Variants in ZNF727 observed in about 807,000 individuals in gnomAD.
ZNF727 encodes the protein putative zinc finger protein 727.
In ZNF727, 11 loss-of-function variants were observed where a neutral mutation model predicts 11.5. The ratio of observed to expected loss-of-function variants is 0.95; its 90% CI spans 0.60 to 1.58. The LOEUF is 1.58. Ranked by LOEUF, ZNF727 falls within the 40% of genes most tolerant of loss-of-function variation. ZNF727 has a pLI of 0.00. For synonymous variants in ZNF727, 171 were observed against 196.1 expected (o/e 0.87, Z 1.07); for missense variants, 533 against 581.7 (o/e 0.92, Z 0.86).
chr7:64,063,012 AT>A (rs377443493), intron 1 of ZNF727, among the ~76,000 whole-genome samples: 3,561 of 151,192 alleles, frequency 0.024, 133 homozygotes, highest in African/African-American at 0.081. Flanking sequence ...CGAATTTCTT[AT>A]TTTTTTTGTT....
chr7:64,077,923 G>A lies in ZNF727; in HGVS notation c.874G>A (p.Ala292Thr), dbSNP rs1411803313. Reference protein sequence around the residue: ...KPYKCKECHKAFRCCSDLTKH... With the variant: ...KPYKCKECHKTFRCCSDLTKH... ...CTACAAATGTAAAGAATGTCACAAA[G>A]CCTTTAGGTGTTGCTCAGACCTTAC... is the stretch of plus-strand genomic sequence containing the variant. The change falls in exon 4 of 4, where the codon GCC becomes ACC. Residue 292 changes from alanine to threonine, a missense_variant. Coordinates refer to ENST00000456806, the MANE Select transcript of ZNF727 (RefSeq NM_001159522.3). 1 of 1,584,742 alleles carries A rather than the reference G, an allele frequency of 6.3e-7. No individual in the cohort carries two copies. Among genetic ancestry groups the A allele is most frequent in the East Asian group, 2.3e-5 (1 of 43,072 alleles).
At position 64,052,378 on chromosome 7, in the gene ZNF727, C is replaced by CT. The variant is rs56215284; in HGVS notation, c.3+6775dup. Among the ~76,000 whole-genome samples the CT allele has an allele frequency of 4.8e-3, 622 of 130,322 alleles. 4 individuals are homozygous for CT. Among genetic ancestry groups the CT allele is most frequent in the African/African-American group, 0.013 (452 of 34,862 alleles). The allele number at this position is 130,322 out of a possible 152,430, so 85.5% of individuals were successfully genotyped here. On this transcript the variant is annotated intron_variant, in intron 1 of 3. Coordinates refer to ENST00000456806, the MANE Select transcript of ZNF727 (RefSeq NM_001159522.3). Reference sequence around the variant, plus strand: ...GAGTTCCCCTGGACAATTTCTCTCTCTTTTTTTTTTTTTTTTTTTTTGCCT... The same window carrying CT: ...GAGTTCCCCTGGACAATTTCTCTCTCTTTTTTTTTTTTTTTTTTTTTTGCCT...
chr7:64,060,283 C>T (rs1278461405), intron 1 of ZNF727, among the ~76,000 whole-genome samples: 1 of 152,142 alleles, frequency 6.6e-6, no homozygotes, highest in African/African-American at 2.4e-5. Context: ...TAGAGTGTCT[C>T]TGAGGTTGGA....
chr7:64,061,870 GT>G (rs34706787), intron 1 of ZNF727, among the ~76,000 whole-genome samples: 96,675 of 151,222 alleles, frequency 0.64, 31,600 homozygotes, highest in Non-Finnish European at 0.71. Context: ...TCTATTATAA[GT>G]TTTTTTATTT....
Position 64,072,268 on chromosome 7 carries a change from T to G in ZNF727, c.226+2659T>G, listed in dbSNP as rs1789973475. Among the ~76,000 whole-genome samples the G allele has an allele frequency of 2.0e-5, 3 of 152,228 alleles. No individual in the cohort carries two copies. In the South Asian group the frequency reaches 6.2e-4, roughly 32 times the overall value. ...GGAGAGGGGTTATACGTGGGTCACA[T>G]GGCTGCTTCTTGGTCTGTTGTGGAG... On this transcript the variant is annotated intron_variant, in intron 3 of 3. Coordinates refer to ENST00000456806, the MANE Select transcript of ZNF727 (RefSeq NM_001159522.3).
chr7:64,083,616 C>T lies in ZNF727; in HGVS notation c.*5067C>T, dbSNP rs1273656837. ...ATAGCTCTGTGTGTTAAATTGAAGGCCTTGGTGAAGTGGGTTCCTGAGGGT... is the reference window on the plus strand; with the variant it reads ...ATAGCTCTGTGTGTTAAATTGAAGGTCTTGGTGAAGTGGGTTCCTGAGGGT... On this transcript the variant is annotated 3_prime_UTR_variant, in exon 4 of 4. Transcript: ENST00000456806. 6.6e-6 allele frequency among the ~76,000 whole-genome samples: 1 copy of T among 152,156 alleles called. No individual in the cohort carries two copies. The highest frequency in any genetic ancestry group is 6.5e-5 in the Admixed American group (1 of 15,284).
intron 1 of ZNF727, among the ~76,000 whole-genome samples, chr7:64,061,185 C>G (rs1465260167): frequency 1.3e-5 from 2 of 152,040 alleles, no homozygotes; most frequent in Admixed American, 1.3e-4. Flanking sequence ...TCTATTAGGT[C>G]TATTTGGTCC....
At position 64,084,873 on chromosome 7, in the gene ZNF727, T is replaced by G. The variant is rs1438801428; in HGVS notation, c.*6324T>G. On this transcript the variant is annotated 3_prime_UTR_variant, in exon 4 of 4. Transcript: ENST00000456806. Reference sequence around the variant, plus strand: ...TGAGAAGAAAAGAAAAATATTAGAGTGAAACAGATAATTTTACATGTGTTG... The same window carrying G: ...TGAGAAGAAAAGAAAAATATTAGAGGGAAACAGATAATTTTACATGTGTTG... Among the ~76,000 whole-genome samples, 1 of 152,156 alleles carries G rather than the reference T, an allele frequency of 6.6e-6. No homozygotes were observed. Among genetic ancestry groups the G allele is most frequent in the Non-Finnish European group, 1.5e-5 (1 of 67,998 alleles).
chr7:64,059,772 A>C (rs1486867457), intron 1 of ZNF727, among the ~76,000 whole-genome samples: 2 of 152,226 alleles, frequency 1.3e-5, no homozygotes, highest in Admixed American at 1.3e-4. Context: ...TACCAGACTT[A>C]ATTATCCAAC....
chr7:64,073,169 C>T (rs746552039), intron 3 of ZNF727, among the ~76,000 whole-genome samples: 1 of 151,712 alleles, frequency 6.6e-6, no homozygotes, highest in Non-Finnish European at 1.5e-5. Context: ...AGTTCTTAGG[C>T]CCTTTTTTTG....
At chr7:64,073,105 G>T (rs1411745038) in intron 3 of ZNF727, among the ~76,000 whole-genome samples, 2 of 151,782 alleles carry the variant, frequency 1.3e-5, no homozygotes, top group African/African-American at 4.8e-5. Flanking sequence ...ATTTCTCCCA[G>T]ATTAAGTATC....
intron 1 of ZNF727, among the ~76,000 whole-genome samples, chr7:64,055,657 T>G (rs1016221723): frequency 2.6e-5 from 4 of 152,232 alleles, no homozygotes; most frequent in African/African-American, 9.6e-5. Flanking sequence ...TTGTTTTAGT[T>G]AGCATAATGT....
intron 1 of ZNF727, among the ~76,000 whole-genome samples, chr7:64,052,366 C>G (rs1789612443): frequency 7.1e-6 from 1 of 141,340 alleles, no homozygotes; most frequent in Non-Finnish European, 1.5e-5. Context: ...TTCCCCTGGA[C>G]AATTTCTCTC....
chr7:64,062,255 TCTGTGTC>T (rs1789783624), intron 1 of ZNF727, among the ~76,000 whole-genome samples: 2 of 152,104 alleles, frequency 1.3e-5, no homozygotes, highest in African/African-American at 4.8e-5. Flanking sequence ...TTTGTGTTTG[TCTGTGTC>T]CTTCATATTA....
rs554727495 is a variant in ZNF727 at position 64,079,498 on chromosome 7, G to C, written c.*949G>C. Among the ~76,000 whole-genome samples the C allele has an allele frequency of 6.6e-6, 1 of 152,098 alleles. No individual in the cohort carries two copies. Among genetic ancestry groups the C allele is most frequent in the Non-Finnish European group, 1.5e-5 (1 of 68,006 alleles). On this transcript the variant is annotated 3_prime_UTR_variant, in exon 4 of 4. Transcript: ENST00000456806. Reference sequence around the variant, plus strand: ...TTAAAGTCTGTTTTGTCAGAAACTAGGATTGTAATCCTTGCTTTTTTACTG... The same window carrying C: ...TTAAAGTCTGTTTTGTCAGAAACTACGATTGTAATCCTTGCTTTTTTACTG...
At chr7:64,048,474 C>G (rs1344228288) in intron 1 of ZNF727, among the ~76,000 whole-genome samples, 2 of 152,180 alleles carry the variant, frequency 1.3e-5, no homozygotes, top group African/African-American at 4.8e-5. Context: ...ACGTAAATTA[C>G]AAACATTCAT....
In ZNF727 at chr7:64,075,676, A is replaced by G. The variant is rs557890714; in HGVS notation, c.227-1600A>G. 3.3e-5 allele frequency among the ~76,000 whole-genome samples: 5 copies of G among 152,294 alleles called. No individual in the cohort carries two copies. The South Asian group carries it at 1.0e-3, about 32-fold the overall frequency. The stretch of plus-strand genomic sequence containing the variant: ...GTTCTTACTTACAAGTGAGAGCTAA[A>G]TATTGGGTATACATGGATATAAAGA... On this transcript the variant is annotated intron_variant, in intron 3 of 3. Coordinates refer to ENST00000456806, the MANE Select transcript of ZNF727 (RefSeq NM_001159522.3).
intron 1 of ZNF727, among the ~76,000 whole-genome samples, chr7:64,045,980 C>T (rs1353604869): frequency 3.9e-5 from 6 of 152,070 alleles, no homozygotes. Context: ...CTTGGGGTCC[C>T]CAGTCCCTCC....
At chr7:64,067,674 G>T (rs575917454) in intron 1 of ZNF727, among the ~76,000 whole-genome samples, 12 of 152,250 alleles carry the variant, frequency 7.9e-5, no homozygotes, top group African/African-American at 2.6e-4. Context: ...ACTCATAAGT[G>T]GGAGTCGAAC....
Sources: allele counts gnomAD v4.1 joint callset (sites outside exome capture counted in the v4.1 genomes callset), GRCh38; gene constraint gnomAD v4.1.1; transcripts MANE v1.5; gene names NCBI Gene and HGNC (gene_info 2026-07-23, HGNC 2026-07-21).